RBFOX1: variants seen among roughly 807,000 people sequenced by gnomAD.
RBFOX1 encodes RNA binding protein fox-1 homolog 1.
In RBFOX1, 8 loss-of-function variants were observed where a neutral mutation model predicts 57.7. The ratio of observed to expected loss-of-function variants is 0.14; its 90% confidence interval spans 0.08 to 0.25. RBFOX1 has a LOEUF of 0.25. RBFOX1 is among the 10% of genes least tolerant of loss of function. The pLI, the probability that RBFOX1 is intolerant of heterozygous loss-of-function variation, is 1.00. For missense variants in RBFOX1, 611 were observed against 548.5 expected (o/e 1.11, Z -1.14); for synonymous variants, 326 against 222.4 (o/e 1.47, Z -4.15).
At chr16:6,806,836 A>ATATATATATATATATATATT (rs754342591) in intron 3 of RBFOX1, among the ~76,000 whole-genome samples, 8 of 91,898 alleles carry the variant, frequency 8.7e-5, no homozygotes, top group Non-Finnish European at 1.7e-4. Context: ...ATATATATAT[A>ATATATATATATATATATATT]TTTTTTTTTT....
intron 3 of RBFOX1, among the ~76,000 whole-genome samples, chr16:6,771,595 C>A (rs1488061487): frequency 6.6e-6 from 1 of 152,208 alleles, no homozygotes; most frequent in Non-Finnish European, 1.5e-5. Flanking sequence ...AGAGAGCTTT[C>A]TGATGCCTAA....
intron 1 of RBFOX1, among the ~76,000 whole-genome samples, chr16:5,310,990 C>G (rs1436802866): frequency 1.3e-5 from 2 of 152,100 alleles, no homozygotes; most frequent in Admixed American, 6.6e-5. Flanking sequence ...ATTCCTCACC[C>G]CCACTACCCC....
At chr16:7,562,457 C>G (rs767130310) in intron 5 of RBFOX1, among the ~76,000 whole-genome samples, 1 of 152,042 alleles carries the variant, frequency 6.6e-6, no homozygotes, top group African/African-American at 2.4e-5. Context: ...GAAGCAATGA[C>G]CATTGGCAAC....
chr16:5,312,957 G>A (rs936794604), intron 1 of RBFOX1, among the ~76,000 whole-genome samples: 1 of 152,176 alleles, frequency 6.6e-6, no homozygotes, highest in African/African-American at 2.4e-5. Flanking sequence ...AGCAGCAGTA[G>A]GCGCTTATTT....
intron 3 of RBFOX1, among the ~76,000 whole-genome samples, chr16:7,045,559 G>T (rs886975895): frequency 6.6e-6 from 1 of 152,134 alleles, no homozygotes; most frequent in African/African-American, 2.4e-5. Context: ...TAGGCCCCCT[G>T]GTTCCTTCAG....
chr16:5,783,365 CTG>C (rs2054390514), intron 3 of RBFOX1, among the ~76,000 whole-genome samples: 1 of 152,072 alleles, frequency 6.6e-6, no homozygotes, highest in Non-Finnish European at 1.5e-5. Context: ...GTTTTGATTT[CTG>C]TTTCTACAGA....
At chr16:6,137,744 G>C (rs552753223) in intron 1 of RBFOX1, among the ~76,000 whole-genome samples, 8 of 149,792 alleles carry the variant, frequency 5.3e-5, no homozygotes, top group Non-Finnish European at 1.0e-4. Context: ...CTCTCAAGTA[G>C]TTGGATGTAT....
intron 3 of RBFOX1, among the ~76,000 whole-genome samples, chr16:6,886,773 CAAAACAAAACA>C (rs1398138106): frequency 2.3e-5 from 3 of 130,320 alleles, no homozygotes; most frequent in African/African-American, 8.9e-5. Context: ...AAAAACAAAA[CAAAACAAAACA>C]AAAAAAAAAC....
intron 2 of RBFOX1, among the ~76,000 whole-genome samples, chr16:6,631,199 A>G (rs1241159482): frequency 6.6e-6 from 1 of 152,126 alleles, no homozygotes; most frequent in African/African-American, 2.4e-5. Flanking sequence ...TGTGAATCTG[A>G]GAAAGAACTG....
intron 3 of RBFOX1, among the ~76,000 whole-genome samples, chr16:6,656,476 C>T (rs1183416811): frequency 2.6e-5 from 4 of 152,012 alleles, no homozygotes; most frequent in African/African-American, 7.2e-5. Context: ...TTGGTTAAGA[C>T]ATCATGATGA....
intron 3 of RBFOX1, among the ~76,000 whole-genome samples, chr16:6,916,246 C>T (rs1171650446): frequency 6.6e-6 from 1 of 152,120 alleles, no homozygotes; most frequent in Non-Finnish European, 1.5e-5. Flanking sequence ...GTCAATATGG[C>T]AGATTAGCAT....
chr16:7,025,944 G>C (rs2040791726), intron 3 of RBFOX1, among the ~76,000 whole-genome samples: 1 of 152,198 alleles, frequency 6.6e-6, no homozygotes, highest in Non-Finnish European at 1.5e-5. Context: ...ACCTGGCCTG[G>C]AAAGAGAGCC....
chr16:7,044,125 G>A (rs1321775096), intron 3 of RBFOX1, among the ~76,000 whole-genome samples: 1 of 152,026 alleles, frequency 6.6e-6, no homozygotes, highest in African/African-American at 2.4e-5. Context: ...CTGGCACTTA[G>A]GACAGTGTCT....
At chr16:6,678,472 C>T (rs541432442) in intron 3 of RBFOX1, among the ~76,000 whole-genome samples, 6 of 151,312 alleles carry the variant, frequency 4.0e-5, no homozygotes, top group African/African-American at 1.2e-4. Context: ...TATCTGTGTG[C>T]GTGTATGGGT....
chr16:6,789,331 T>G (rs1280124563), intron 3 of RBFOX1, among the ~76,000 whole-genome samples: 1 of 152,108 alleles, frequency 6.6e-6, no homozygotes, highest in Non-Finnish European at 1.5e-5. Flanking sequence ...GTCTTCAAGG[T>G]GGTGAGTTTC....
At chr16:6,135,857 C>T (rs866009281) in intron 1 of RBFOX1, among the ~76,000 whole-genome samples, 6 of 143,984 alleles carry the variant, frequency 4.2e-5, no homozygotes, top group East Asian at 4.1e-4. Context: ...TGCAGTGGCA[C>T]GATCTCAGCT....
At chr16:7,708,869 T>G (rs2083357167) in intron 14 of RBFOX1, among the ~76,000 whole-genome samples, 187 bp from the exon 15 acceptor site, 1 of 152,152 alleles carries the variant, frequency 6.6e-6, no homozygotes, top group Non-Finnish European at 1.5e-5. Flanking sequence ...AGCAACCATG[T>G]TAAATGCACA....
At chr16:6,467,768 A>G (rs916746155) in intron 2 of RBFOX1, among the ~76,000 whole-genome samples, 4 of 152,226 alleles carry the variant, frequency 2.6e-5, no homozygotes, top group African/African-American at 9.6e-5. Context: ...CTCATCTGCC[A>G]TTAGCTAGCG....
chr16:6,404,899 C>T (rs533967121), intron 2 of RBFOX1, among the ~76,000 whole-genome samples: 1 of 152,318 alleles, frequency 6.6e-6, no homozygotes, highest in Non-Finnish European at 1.5e-5. Context: ...AGGAAGAAGC[C>T]TGGCTATCCT....
Sources: gnomAD v4.1 joint callset for allele counts (sites outside exome capture counted in the v4.1 genomes callset) on GRCh38, gnomAD v4.1.1 for gene constraint, MANE v1.5 for transcripts, NCBI Gene and HGNC (gene_info 2026-07-23, HGNC 2026-07-21) for gene names.